The following KDM4C variants were observed in gnomAD, a reference collection of about 807,000 sequenced individuals.
KDM4C encodes lysine demethylase 4C, also known as lysine-specific demethylase 4C.
A neutral mutation model predicts 129.3 loss-of-function variants in KDM4C; 81 were observed. The observed-to-expected ratio is 0.63, with a 90% CI of 0.52 to 0.75. The LOEUF (loss-of-function observed/expected upper bound fraction) is 0.75. Ranked by LOEUF, KDM4C falls within the 30% of genes least tolerant of loss-of-function variation. The pLI is 0.00. For missense variants in KDM4C, 1,457 were observed against 1,304.0 expected, an observed-to-expected ratio of 1.12 and a Z score of -1.81; for synonymous variants, 573 against 456.1, an observed-to-expected ratio of 1.26 and a Z score of -3.26.
intron 7 of KDM4C, among the ~76,000 whole-genome samples, chr9:6,891,618 C>A (rs1202366227): frequency 6.6e-6 from 1 of 151,940 alleles, no homozygotes; most frequent in South Asian, 2.1e-4. Context: ...ATACTAAAAA[C>A]CAACAAATTG....
intron 17 of KDM4C, among the ~76,000 whole-genome samples, chr9:7,070,101 G>A (rs1832992093): frequency 1.3e-5 from 2 of 152,274 alleles, no homozygotes; most frequent in African/African-American, 2.4e-5. Context: ...ACAAGTAGTT[G>A]TTACAGTTTG....
At chr9:6,847,531 C>T (rs1046104929) in intron 4 of KDM4C, among the ~76,000 whole-genome samples, 3 of 152,102 alleles carry the variant, frequency 2.0e-5, no homozygotes, top group Admixed American at 1.3e-4. Flanking sequence ...GCTGGGACTA[C>T]AGACGCCCGC....
chr9:6,789,245 C>T (rs12352513), intron 1 of KDM4C, among the ~76,000 whole-genome samples: 23,930 of 119,202 alleles, frequency 0.2, 2,159 homozygotes, highest in Middle Eastern at 0.31. Flanking sequence ...TTTGAGATGG[C>T]GTTTTGCTCT....
intron 1 of KDM4C, among the ~76,000 whole-genome samples, chr9:6,738,962 C>T (rs1399467485): frequency 6.6e-6 from 1 of 151,854 alleles, no homozygotes; most frequent in Non-Finnish European, 1.5e-5. Flanking sequence ...ATCCTGGGCT[C>T]AATTTATTCT....
chr9:6,850,783 C>A (rs1432441024), intron 5 of KDM4C, among the ~76,000 whole-genome samples: 1 of 151,718 alleles, frequency 6.6e-6, no homozygotes, highest in Non-Finnish European at 1.5e-5. Context: ...GAGACAGGGT[C>A]TCACTCTGTT....
chr9:6,795,512 A>G (rs1827565095), intron 2 of KDM4C, among the ~76,000 whole-genome samples: 1 of 151,524 alleles, frequency 6.6e-6, no homozygotes, highest in Non-Finnish European at 1.5e-5. Context: ...TTGTGTTTTT[A>G]GTAGAGACAG....
At chr9:6,986,773 C>G in intron 11 of KDM4C, 107 bp downstream of exon 11, 1 of 772,364 alleles carries the variant, frequency 1.3e-6, no homozygotes, top group East Asian at 2.7e-5. Flanking sequence ...AGATAAATAA[C>G]ATTTTACATT....
chr9:6,755,352 C>A (rs1403543779), upstream of KDM4C, among the ~76,000 whole-genome samples: 1 of 152,218 alleles, frequency 6.6e-6, no homozygotes, highest in Non-Finnish European at 1.5e-5. Flanking sequence ...GCCTGGGCAA[C>A]AGAGTGAGAC....
At chr9:6,811,803 G>A (rs1246079200) in intron 3 of KDM4C, among the ~76,000 whole-genome samples, 2 of 152,070 alleles carry the variant, frequency 1.3e-5, no homozygotes, top group Non-Finnish European at 2.9e-5. Context: ...AACATGTGTA[G>A]CCTGGCCCTG....
At chr9:6,903,858 T>C (rs1254818859) in intron 8 of KDM4C, among the ~76,000 whole-genome samples, 2 of 152,046 alleles carry the variant, frequency 1.3e-5, no homozygotes, top group African/African-American at 4.8e-5. Context: ...TATCAGCATA[T>C]ATCTGTATCT....
intron 19 of KDM4C, among the ~76,000 whole-genome samples, chr9:7,155,086 T>C (rs1587904485): frequency 6.6e-6 from 1 of 152,328 alleles, no homozygotes; most frequent in African/African-American, 2.4e-5. Flanking sequence ...TGACCTTAGA[T>C]TCTAGATTGC....
At position 6,727,072 on chromosome 9, in the gene KDM4C, A is replaced by G. The variant is rs543090853; in HGVS notation, c.49+6075A>G. The G allele has an allele frequency of 3.3e-5, 5 of 152,300 alleles. No homozygotes were observed. In the East Asian group the frequency reaches 5.8e-4, roughly 18 times the overall value. 9.4% of individuals were successfully genotyped at this position (152,300 alleles called of 1,614,324 possible). A position where few individuals can be genotyped will look rare whatever the true frequency, so the allele number is the denominator to read the frequency against. ...TTTGTAAAAAGCGTACTGTACTTCAATATATTCAAAATTAGACTATTATTT... is the reference window on the plus strand; with the variant it reads ...TTTGTAAAAAGCGTACTGTACTTCAGTATATTCAAAATTAGACTATTATTT... On this transcript the variant is annotated intron_variant, in intron 1 of 17. Transcript: ENST00000536108.
intron 18 of KDM4C, among the ~76,000 whole-genome samples, chr9:7,116,904 A>G (rs982252430): frequency 2.0e-5 from 3 of 152,134 alleles, no homozygotes; most frequent in Admixed American, 6.5e-5. Context: ...ATGACCACCC[A>G]TCTTTGTTGG....
chr9:6,784,528 G>A (rs1050666105), intron 1 of KDM4C, among the ~76,000 whole-genome samples: 2 of 152,036 alleles, frequency 1.3e-5, no homozygotes, highest in African/African-American at 4.8e-5. Context: ...CACCACACTC[G>A]GCCCACTGTA....
At chr9:6,789,314 G>A (rs1826087915) in intron 1 of KDM4C, among the ~76,000 whole-genome samples, 2 of 148,198 alleles carry the variant, frequency 1.3e-5, no homozygotes, top group African/African-American at 5.0e-5. Flanking sequence ...TCCGCCTCCT[G>A]GGTTCAAGCA....
chr9:6,990,613 A>C (rs1222689157), intron 12 of KDM4C, 89 bp downstream of exon 12: 2 of 806,812 alleles, frequency 2.5e-6, no homozygotes, highest in Non-Finnish European at 4.0e-6. Flanking sequence ...ATAGAAAAAA[A>C]ATTCAACAAG....
rs561211424 is a variant in KDM4C, at chr9:6,816,160, C to G, written c.435+1415C>G. On this transcript the variant is annotated intron_variant, in intron 4 of 21. Transcript: ENST00000381309. ...TTAGCTGACTATCTGTCCCCAACAG[C>G]CTTTCATTCAGTGGATTTGGCATCT... 1.5e-4 allele frequency among the ~76,000 whole-genome samples: 23 copies of G among 152,308 alleles called. No individual in the cohort carries two copies. In the East Asian group the frequency reaches 3.5e-3, roughly 23 times the overall value.
chr9:7,109,060 T>A (rs1838023002), intron 18 of KDM4C, among the ~76,000 whole-genome samples: 1 of 152,224 alleles, frequency 6.6e-6, no homozygotes, highest in East Asian at 1.9e-4. Context: ...AGAATTGTAG[T>A]AGAAGTGGAT....
At chr9:7,074,936 G>A (rs1019733078) in intron 17 of KDM4C, among the ~76,000 whole-genome samples, 2 of 152,192 alleles carry the variant, frequency 1.3e-5, no homozygotes, top group Non-Finnish European at 2.9e-5. Flanking sequence ...GTCTCAGGAT[G>A]TCTGACAAGA....
Sources: allele counts gnomAD v4.1 joint callset (sites outside exome capture counted in the v4.1 genomes callset), GRCh38; gene constraint gnomAD v4.1.1; transcripts MANE v1.5; gene names NCBI Gene and HGNC (gene_info 2026-07-23, HGNC 2026-07-21).